WWOX: variants seen among roughly 807,000 people sequenced by gnomAD.
The protein encoded by WWOX is WW domain-containing oxidoreductase.
WWOX carries 69 observed loss-of-function variants against 46.2 expected under a neutral mutation model. That is an observed-to-expected ratio of 1.49 (90% CI 1.23 to 1.82). WWOX has a LOEUF of 1.82. WWOX is among the 40% of genes most tolerant of loss of function. The pLI, the probability that WWOX is intolerant of heterozygous loss-of-function variation, is 0.00. For synonymous variants in WWOX, 359 were observed against 202.6 expected, an observed-to-expected ratio of 1.77 and a Z score of -6.56; for missense variants, 919 against 542.6, an observed-to-expected ratio of 1.69 and a Z score of -6.89.
intron 8 of WWOX, among the ~76,000 whole-genome samples, chr16:79,121,538 T>G (rs1052631364): frequency 6.6e-6 from 1 of 152,202 alleles, no homozygotes; most frequent in African/African-American, 2.4e-5. Flanking sequence ...CTCGTCTACT[T>G]GAACTTCCAG....
chr16:78,996,939 C>T (rs1167586038), intron 8 of WWOX, among the ~76,000 whole-genome samples: 1 of 152,224 alleles, frequency 6.6e-6, no homozygotes, highest in Non-Finnish European at 1.5e-5. Context: ...ACACAAGCAT[C>T]CTCTCCCGCG....
chr16:78,902,440 G>A (rs985913819), intron 8 of WWOX, among the ~76,000 whole-genome samples: 5 of 152,258 alleles, frequency 3.3e-5, no homozygotes, highest in African/African-American at 9.6e-5. Flanking sequence ...CGGGGCGGGC[G>A]GGAGAGGCAA....
intron 8 of WWOX, among the ~76,000 whole-genome samples, chr16:79,035,008 A>G (rs1003340436): frequency 1.3e-5 from 2 of 152,242 alleles, no homozygotes; most frequent in African/African-American, 4.8e-5. Context: ...ATTAATGGTT[A>G]ATAATATTGC....
chr16:78,892,687 T>A (rs1422845620), intron 8 of WWOX, among the ~76,000 whole-genome samples: 2 of 152,224 alleles, frequency 1.3e-5, no homozygotes, highest in East Asian at 3.9e-4. Flanking sequence ...TAGGTGAGGA[T>A]CCATTGTCTT....
chr16:79,189,429 G>T (rs1206962941), intron 8 of WWOX, among the ~76,000 whole-genome samples: 2 of 67,800 alleles, frequency 2.9e-5, no homozygotes, highest in African/African-American at 1.4e-4. Context: ...AGCTTTGTGT[G>T]TGTGTGTGTG....
intron 5 of WWOX, among the ~76,000 whole-genome samples, chr16:78,247,591 C>A (rs2037852222): frequency 1.3e-5 from 2 of 152,180 alleles, no homozygotes; most frequent in South Asian, 4.1e-4. Context: ...TCTGCTCAAA[C>A]ACTAGTTCTG....
At chr16:78,469,720 GT>G (rs1216663625) in intron 8 of WWOX, among the ~76,000 whole-genome samples, 1 of 151,982 alleles carries the variant, frequency 6.6e-6, no homozygotes, top group African/African-American at 2.4e-5. Flanking sequence ...CATGGGTTGT[GT>G]TTTTTTTCCT....
intron 8 of WWOX, among the ~76,000 whole-genome samples, chr16:78,462,430 G>T (rs899526660): frequency 2.6e-5 from 4 of 152,052 alleles, no homozygotes; most frequent in Non-Finnish European, 5.9e-5. Flanking sequence ...AATTTGCAGC[G>T]CACTTGCCAG....
At chr16:79,149,024 C>G (rs1235830450) in intron 8 of WWOX, among the ~76,000 whole-genome samples, 1 of 151,888 alleles carries the variant, frequency 6.6e-6, no homozygotes, top group African/African-American at 2.4e-5. Context: ...TATGTGTGCC[C>G]TTTTTTTATT....
At chr16:79,206,427 T>C (rs1383430822) in intron 8 of WWOX, 1 of 152,238 alleles carries the variant, frequency 6.6e-6, no homozygotes, top group African/African-American at 2.4e-5. Context: ...TTGCTTTTGA[T>C]CTCTGATATC....
rs574369093 is a variant in WWOX, at chr16:79,187,778, G to A, written c.1057-23830G>A. ...GCTGGTCTCGAACTCCTGGGCTCAA[G>A]CAATGCACTGGCCTTGGCCTCCCAC... is the stretch of plus-strand genomic sequence containing the variant. On this transcript the variant is annotated intron_variant, in intron 8 of 8. Transcript: ENST00000566780. Among the ~76,000 whole-genome samples the A allele has an allele frequency of 1.9e-3, 287 of 152,332 alleles. 1 individual carries two copies. The highest frequency in any genetic ancestry group is 6.3e-3 in the African/African-American group (263 of 41,584).
intron 8 of WWOX, among the ~76,000 whole-genome samples, chr16:79,114,358 GGA>G (rs1335574281): frequency 8.2e-6 from 1 of 121,392 alleles, no homozygotes; most frequent in East Asian, 3.0e-4. Flanking sequence ...AGGGAGATTT[GGA>G]GAGACACACG....
intron 6 of WWOX, among the ~76,000 whole-genome samples, chr16:78,398,113 C>G (rs777149946): frequency 6.6e-6 from 1 of 152,194 alleles, no homozygotes; most frequent in African/African-American, 2.4e-5. Context: ...ACCAAGGGGT[C>G]GTTTTGCTAT....
chr16:78,297,782 A>G (rs1010102312), intron 5 of WWOX, among the ~76,000 whole-genome samples: 1 of 152,140 alleles, frequency 6.6e-6, no homozygotes, highest in Non-Finnish European at 1.5e-5. Flanking sequence ...AGTATGGGCA[A>G]TAAAACCCTC....
intron 8 of WWOX, among the ~76,000 whole-genome samples, chr16:78,442,030 A>G (rs1230178423): frequency 1.3e-5 from 2 of 150,058 alleles, no homozygotes; most frequent in Admixed American, 1.3e-4. Context: ...CTAACAGTTG[A>G]GGAGGCCAAG....
intron 8 of WWOX, among the ~76,000 whole-genome samples, chr16:78,712,691 A>C (rs1005686695): frequency 1.3e-5 from 2 of 152,094 alleles, no homozygotes; most frequent in Admixed American, 6.6e-5. Flanking sequence ...TCATTTTTTA[A>C]AGTATAATAA....
chr16:78,876,140 C>A (rs1349846674), intron 8 of WWOX, among the ~76,000 whole-genome samples: 4 of 152,136 alleles, frequency 2.6e-5, no homozygotes, highest in Admixed American at 6.5e-5. Context: ...ACCTACGCTA[C>A]CTTATAATCC....
chr16:78,316,347 G>A (rs569018987), intron 5 of WWOX, among the ~76,000 whole-genome samples: 12 of 152,190 alleles, frequency 7.9e-5, no homozygotes, highest in African/African-American at 2.9e-4. Flanking sequence ...AAGTGGAATG[G>A]CCAGGGAATT....
chr16:79,032,650 T>A (rs954795635), intron 8 of WWOX, among the ~76,000 whole-genome samples: 2 of 139,468 alleles, frequency 1.4e-5, no homozygotes, highest in African/African-American at 2.9e-5. Context: ...ATAGAGCGTG[T>A]ATATTATTTA....
Sources: allele counts gnomAD v4.1 joint callset (sites outside exome capture counted in the v4.1 genomes callset), GRCh38; gene constraint gnomAD v4.1.1; transcripts MANE v1.5; gene names NCBI Gene and HGNC (gene_info 2026-07-23, HGNC 2026-07-21).